Variants in TRDN observed in about 807,000 individuals in gnomAD.
The protein encoded by TRDN is triadin.
TRDN carries 161 observed loss-of-function variants against 149.7 expected under a neutral mutation model. The ratio of observed to expected loss-of-function variants is 1.08; its 90% confidence interval spans 0.95 to 1.23. The LOEUF (loss-of-function observed/expected upper bound fraction) is 1.23, where lower values mean the gene tolerates loss of function less well. Ranked by LOEUF, TRDN falls within the 50% of genes most tolerant of loss-of-function variation. The pLI, the probability that TRDN is intolerant of heterozygous loss-of-function variation, is 0.00. For missense variants in TRDN, 896 were observed against 823.5 expected (o/e 1.09, Z -1.08); for synonymous variants, 294 against 250.5 (o/e 1.17, Z -1.64).
At chr6:123,231,848 T>C (rs1582750528) in intron 38 of TRDN, among the ~76,000 whole-genome samples, 1 of 151,916 alleles carries the variant, frequency 6.6e-6, no homozygotes, top group African/African-American at 2.4e-5. Context: ...CAAAGTAGAA[T>C]TCAAAGTTTT....
intron 1 of TRDN, among the ~76,000 whole-genome samples, chr6:123,623,943 T>C (rs372101506): frequency 2.6e-5 from 4 of 152,284 alleles, no homozygotes; most frequent in South Asian, 4.1e-4. Context: ...CCAAGAAACC[T>C]ATCTCACAAT....
intron 23 of TRDN, among the ~76,000 whole-genome samples, chr6:123,320,400 T>C (rs932535358): frequency 7.2e-4 from 109 of 152,148 alleles, no homozygotes; most frequent in African/African-American, 2.6e-3. Context: ...TTTTCCCTAA[T>C]ACATGATAGT....
At position 123,331,918 on chromosome 6, in the gene TRDN, CT is replaced by C; in HGVS notation, c.1431del (p.Glu480LysfsTer8). On this transcript the variant is annotated frameshift_variant, in exon 23 of 41. Coordinates refer to ENST00000334268, the MANE Select transcript of TRDN (RefSeq NM_006073.4). LOFTEE classifies it high-confidence loss of function. ...GAAGCTGGAACTTTCTCTTCTTTCC[CT>C]TTAATAGGTTCTGAAAAGAAACATC... ...SSILKDKEPIKGKEEKVPASL... is the reference protein window; with the variant it reads ...SSILKDKEPIXGKEEKVPASL... 6.5e-7 allele frequency: 1 copy of C among 1,542,534 alleles called. No individual in the cohort carries two copies. The highest frequency in any genetic ancestry group is 8.8e-7 in the Non-Finnish European group (1 of 1,141,998).
At position 123,342,817 on chromosome 6, in the gene TRDN, C is replaced by T. The variant is rs770323364; in HGVS notation, c.1370-5148G>A. On this transcript the variant is annotated intron_variant, in intron 21 of 40. Coordinates refer to ENST00000334268, the MANE Select transcript of TRDN (RefSeq NM_006073.4). ...TGAACAGGGTGCCTATCTGAATCAC[C>T]AAATAACATCAATGTTCTTCATAAC... Among the ~76,000 whole-genome samples, 72 of 151,974 alleles carry T rather than the reference C, an allele frequency of 4.7e-4. 1 individual carries two copies. Among genetic ancestry groups the T allele is most frequent in the Non-Finnish European group, 2.4e-4 (16 of 67,948 alleles).
At chr6:123,300,493 A>T (rs977146037) in intron 24 of TRDN, among the ~76,000 whole-genome samples, 1 of 151,902 alleles carries the variant, frequency 6.6e-6, no homozygotes, top group Non-Finnish European at 1.5e-5. Context: ...TTTCCTGAGG[A>T]TCCACAGAGA....
chr6:123,533,085 C>T (rs1780328649), intron 4 of TRDN, among the ~76,000 whole-genome samples: 1 of 152,038 alleles, frequency 6.6e-6, no homozygotes, highest in Admixed American at 6.6e-5. Flanking sequence ...TTTGGACGTA[C>T]TAAGGGAGTT....
chr6:123,548,845 A>C (rs531415056), intron 2 of TRDN, among the ~76,000 whole-genome samples: 26 of 152,116 alleles, frequency 1.7e-4, no homozygotes, highest in African/African-American at 4.6e-4. Context: ...TCCAAATAAG[A>C]GTTAGCACTG....
chr6:123,412,173 G>A (rs1388238721), intron 12 of TRDN, among the ~76,000 whole-genome samples: 2 of 152,184 alleles, frequency 1.3e-5, no homozygotes, highest in East Asian at 3.9e-4. Flanking sequence ...GTAGTTATTA[G>A]ACGAACACAG....
intron 4 of TRDN, among the ~76,000 whole-genome samples, chr6:123,539,127 T>C (rs771575209): frequency 6.6e-6 from 1 of 150,892 alleles, no homozygotes; most frequent in African/African-American, 2.4e-5. Flanking sequence ...TTGTCTCTCA[T>C]GACAAGGAAA....
chr6:123,341,645 C>T (rs1780067836), intron 21 of TRDN, among the ~76,000 whole-genome samples: 1 of 151,738 alleles, frequency 6.6e-6, no homozygotes, highest in Non-Finnish European at 1.5e-5. Flanking sequence ...GAAGATATTC[C>T]TCAAGAAATT....
intron 20 of TRDN, among the ~76,000 whole-genome samples, chr6:123,357,135 T>C (rs1582911677): frequency 6.6e-6 from 1 of 151,950 alleles, no homozygotes; most frequent in East Asian, 1.9e-4. Context: ...GTTCATTAGA[T>C]CTCCAAAATC....
In TRDN at chr6:123,266,687, A is replaced by ATTATAATAT. The variant is rs1777009781; in HGVS notation, c.1783+1019_1783+1020insATATTATAA. 2.9e-5 allele frequency among the ~76,000 whole-genome samples: 3 copies of ATTATAATAT among 103,330 alleles called. 1 individual carries two copies. Among genetic ancestry groups the ATTATAATAT allele is most frequent in the Non-Finnish European group, 5.3e-5 (3 of 56,126 alleles). The allele number at this position is 103,330 out of a possible 152,430, so 67.8% of individuals were successfully genotyped here. ...TATGTATATATTATAATATATATGT[A>ATTATAATAT]ATATATTATAATATGTATTATATAT... On this transcript the variant is annotated intron_variant, in intron 32 of 40. Transcript: ENST00000334268.
chr6:123,566,167 G>A (rs1428871031), intron 2 of TRDN, among the ~76,000 whole-genome samples: 1 of 152,200 alleles, frequency 6.6e-6, no homozygotes, highest in Non-Finnish European at 1.5e-5. Context: ...TGGTGTAGGT[G>A]AAATATCTTT....
rs573546349 is a variant in TRDN at position 123,261,755 on chromosome 6, T to C, written c.1805-1117A>G. Among the ~76,000 whole-genome samples, 61 of 152,014 alleles carry C rather than the reference T, an allele frequency of 4.0e-4. No individual in the cohort carries two copies. The South Asian group carries it at 0.012, about 31-fold the overall frequency. ...TTCATAAAAATATAGTACTTTAAAA[T>C]GGCTTTATAATGATGTTTCATATTA... On this transcript the variant is annotated intron_variant, in intron 33 of 40. Transcript: ENST00000334268.
intron 24 of TRDN, among the ~76,000 whole-genome samples, chr6:123,284,336 C>A (rs1284136638): frequency 6.6e-6 from 1 of 151,816 alleles, no homozygotes; most frequent in Non-Finnish European, 1.5e-5. Flanking sequence ...GTGTTTCATA[C>A]TAGGGATGCA....
At chr6:123,500,349 G>T (rs1205162243) in intron 8 of TRDN, among the ~76,000 whole-genome samples, 2 of 152,030 alleles carry the variant, frequency 1.3e-5, no homozygotes, top group Non-Finnish European at 2.9e-5. Flanking sequence ...CCTTAACAAC[G>T]TATAAGAATT....
At chr6:123,616,620 T>G (rs2114697073) in intron 1 of TRDN, among the ~76,000 whole-genome samples, 1 of 152,322 alleles carries the variant, frequency 6.6e-6, no homozygotes, top group Admixed American at 6.5e-5. Context: ...TTGTTATTGT[T>G]GTTTTCCTTC....
chr6:123,560,655 A>T (rs1781936099), intron 2 of TRDN, among the ~76,000 whole-genome samples: 1 of 152,056 alleles, frequency 6.6e-6, no homozygotes, highest in Non-Finnish European at 1.5e-5. Context: ...TCCAACTTCT[A>T]TCCCTCGTGC....
At chr6:123,409,832 C>T (rs1207617802) in intron 12 of TRDN, among the ~76,000 whole-genome samples, 2 of 151,964 alleles carry the variant, frequency 1.3e-5, no homozygotes, top group Non-Finnish European at 2.9e-5. Flanking sequence ...ATCCAGAAGA[C>T]CAGTAAGGGG....
Sources: gnomAD v4.1 joint callset for allele counts (sites outside exome capture counted in the v4.1 genomes callset) on GRCh38, gnomAD v4.1.1 for gene constraint, MANE v1.5 for transcripts, NCBI Gene and HGNC (gene_info 2026-07-23, HGNC 2026-07-21) for gene names.